The following SRD5A2 variants were observed in gnomAD, a reference collection of about 807,000 sequenced individuals.
SRD5A2 encodes 3-oxo-5-alpha-steroid 4-dehydrogenase 2.
A neutral mutation model predicts 27.4 loss-of-function variants in SRD5A2; 30 were observed. The observed-to-expected ratio is 1.10, with a 90% confidence interval of 0.82 to 1.49. SRD5A2 has a LOEUF of 1.49. SRD5A2 is among the 40% of genes most tolerant of loss of function. The probability of loss-of-function intolerance (pLI) is 0.00; values close to 1 mark genes in which losing one functional copy is unlikely to be tolerated. For missense variants in SRD5A2, 348 were observed against 323.4 expected, an observed-to-expected ratio of 1.08 and a Z score of -0.58; for synonymous variants, 141 against 133.6, an observed-to-expected ratio of 1.06 and a Z score of -0.38.
At chr2:31,609,701 A>T in the SRD5A2 span, among the ~76,000 whole-genome samples, 1 of 152,160 alleles carries the variant, frequency 6.6e-6, no homozygotes. Flanking sequence ...TATGATTTTA[A>T]ATTAGGCAGT....
chr2:31,528,349 T>C (rs1665826447), intron 4 of SRD5A2, among the ~76,000 whole-genome samples: 1 of 152,188 alleles, frequency 6.6e-6, no homozygotes, highest in African/African-American at 2.4e-5. Flanking sequence ...AAATAATCCT[T>C]CTGGAGTTCC....
At chr2:31,601,269 C>T in the SRD5A2 span, among the ~76,000 whole-genome samples, 1 of 151,912 alleles carries the variant, frequency 6.6e-6, no homozygotes, top group Non-Finnish European at 1.5e-5. Flanking sequence ...TAAAAACAAC[C>T]ATCAGAGAAT....
chr2:31,574,134 T>C (rs1349276498), intron 1 of SRD5A2, among the ~76,000 whole-genome samples: 1 of 152,180 alleles, frequency 6.6e-6, no homozygotes, highest in Non-Finnish European at 1.5e-5. Flanking sequence ...TCAGTTTACA[T>C]TTTCCCACCT....
At chr2:31,655,518 T>C in the SRD5A2 span, among the ~76,000 whole-genome samples, 100 of 152,260 alleles carry the variant, frequency 6.6e-4, 1 homozygote, top group African/African-American at 2.3e-3. Context: ...GTATTTTGCA[T>C]AGAGGAGACA....
chr2:31,526,325 C>T, intron 4 of SRD5A2, 63 bp from the exon 5 acceptor site: 3 of 1,089,154 alleles, frequency 2.8e-6, no homozygotes, highest in Non-Finnish European at 4.1e-6. Flanking sequence ...CTGAGGTTTG[C>T]TCTTACCAAA....
Position 31,574,145 on chromosome 2 carries a change from G to C in SRD5A2, c.281+6475C>G, listed in dbSNP as rs529219338. Among the ~76,000 whole-genome samples the C allele has an allele frequency of 6.7e-4, 102 of 152,296 alleles. 1 individual carries two copies. Among genetic ancestry groups the C allele is most frequent in the African/African-American group, 2.4e-3 (98 of 41,560 alleles). On this transcript the variant is annotated intron_variant, in intron 1 of 4. Coordinates refer to ENST00000622030, the MANE Select transcript of SRD5A2 (RefSeq NM_000348.4). ...CCCCTCAGTTTACATTTTCCCACCT[G>C]CCTGATATTGTCAGACTGACGTTGC...
the SRD5A2 span, among the ~76,000 whole-genome samples, chr2:31,624,463 A>G: frequency 6.6e-6 from 1 of 151,968 alleles, no homozygotes; most frequent in Non-Finnish European, 1.5e-5. Flanking sequence ...TGCTGCACTC[A>G]TTAACTCATT....
At chr2:31,634,727 C>G in the SRD5A2 span, among the ~76,000 whole-genome samples, 3 of 152,090 alleles carry the variant, frequency 2.0e-5, no homozygotes, top group Admixed American at 6.6e-5. Flanking sequence ...TCAGTCTACT[C>G]TCTATCTTCA....
the SRD5A2 span, among the ~76,000 whole-genome samples, chr2:31,631,120 A>G: frequency 3.9e-5 from 6 of 152,346 alleles, no homozygotes; most frequent in South Asian, 1.2e-3. Context: ...ATGAATTTGC[A>G]TAAGAACAGT....
At position 31,531,424 on chromosome 2, in the gene SRD5A2, TA is replaced by T; in HGVS notation, c.493del (p.Tyr165IlefsTer114). 1.2e-6 allele frequency: 2 copies of T among 1,601,658 alleles called. No homozygotes were observed. Among genetic ancestry groups the T allele is most frequent in the South Asian group, 1.1e-5 (1 of 88,394 alleles). On this transcript the variant is annotated frameshift_variant, in exon 3 of 5. Coordinates refer to ENST00000622030, the MANE Select transcript of SRD5A2 (RefSeq NM_000348.4). LOFTEE classifies it high-confidence loss of function. ...AGGCTTCCTGAGCTGGCGCAATATATAGTCACTATGAATGTTTATTCCCATT... is the reference window on the plus strand; with the variant it reads ...AGGCTTCCTGAGCTGGCGCAATATATGTCACTATGAATGTTTATTCCCATT... ...LGMGINIHSD[Y>X]ILRQLRKPGE...
Position 31,526,012 on chromosome 2 carries a change from C to T in SRD5A2, c.*184G>A, listed in dbSNP as rs187749379. On this transcript the variant is annotated 3_prime_UTR_variant, in exon 5 of 5. Coordinates refer to ENST00000622030, the MANE Select transcript of SRD5A2 (RefSeq NM_000348.4). ...TCAGTTGGGGATCAGGATAGGGGTC[C>T]CTGGAAGGGTAGGAGTAAACTCTAA... 8 of 496,186 alleles carry T rather than the reference C, an allele frequency of 1.6e-5. No homozygotes were observed. Among genetic ancestry groups the T allele is most frequent in the African/African-American group, 1.4e-4 (7 of 50,908 alleles). 30.7% of individuals were successfully genotyped at this position (496,186 alleles called of 1,614,324 possible).
At chr2:31,583,439 A>C (rs184576898), upstream of SRD5A2, among the ~76,000 whole-genome samples, 1 of 152,086 alleles carries the variant, frequency 6.6e-6, no homozygotes, top group Non-Finnish European at 1.5e-5. Flanking sequence ...AGAAAATTGG[A>C]ACCAATAATG....
chr2:31,625,558 T>C, the SRD5A2 span, among the ~76,000 whole-genome samples: 1 of 152,120 alleles, frequency 6.6e-6, no homozygotes, highest in Admixed American at 6.6e-5. Context: ...GGAAGGGACA[T>C]AGTTTCAGCT....
At chr2:31,589,772 T>C in the SRD5A2 span, among the ~76,000 whole-genome samples, 1 of 151,974 alleles carries the variant, frequency 6.6e-6, no homozygotes, top group African/African-American at 2.4e-5. Context: ...GAAGTGCACA[T>C]ACAATTGCAG....
intron 1 of SRD5A2, among the ~76,000 whole-genome samples, chr2:31,547,346 G>C (rs1437577925): frequency 6.6e-6 from 1 of 152,130 alleles, no homozygotes; most frequent in African/African-American, 2.4e-5. Context: ...CTGTAAAAGG[G>C]AAACCCAAGT....
chr2:31,630,887 A>G, the SRD5A2 span, among the ~76,000 whole-genome samples: 1 of 152,122 alleles, frequency 6.6e-6, no homozygotes, highest in Non-Finnish European at 1.5e-5. Context: ...TTCAGAACAG[A>G]AGGGTAGATG....
intron 1 of SRD5A2, among the ~76,000 whole-genome samples, chr2:31,565,490 T>C (rs577099327): frequency 3.3e-5 from 5 of 151,818 alleles, no homozygotes; most frequent in African/African-American, 1.2e-4. Flanking sequence ...AGATTAAAAG[T>C]AAAATGTTGG....
intron 1 of SRD5A2, among the ~76,000 whole-genome samples, chr2:31,569,200 C>A (rs1182793741): frequency 1.3e-5 from 2 of 152,268 alleles, no homozygotes; most frequent in Admixed American, 1.3e-4. Context: ...ACTGCAGCCA[C>A]TCCAGTCAGG....
the SRD5A2 span, among the ~76,000 whole-genome samples, chr2:31,592,089 T>A: frequency 1.1e-4 from 15 of 136,334 alleles, no homozygotes; most frequent in East Asian, 1.9e-3. Context: ...AAGTATAATT[T>A]AAAAAAAAAC....
Sources: allele counts gnomAD v4.1 joint callset (sites outside exome capture counted in the v4.1 genomes callset), GRCh38; gene constraint gnomAD v4.1.1; transcripts MANE v1.5; gene names NCBI Gene and HGNC (gene_info 2026-07-23, HGNC 2026-07-21).